Variants in MACROD2 observed in about 807,000 individuals in gnomAD.
MACROD2 encodes ADP-ribose glycohydrolase MACROD2.
MACROD2 carries 36 observed loss-of-function variants against 70.4 expected under a neutral mutation model. That is an observed-to-expected ratio of 0.51 (90% CI 0.39 to 0.68). The LOEUF (loss-of-function observed/expected upper bound fraction) is 0.68, where lower values mean the gene tolerates loss of function less well. MACROD2 is among the 30% of genes least tolerant of loss of function. The pLI is 0.00. For missense variants in MACROD2, 496 were observed against 538.4 expected, an observed-to-expected ratio of 0.92 and a Z score of 0.78; for synonymous variants, 172 against 178.8, an observed-to-expected ratio of 0.96 and a Z score of 0.30.
intron 10 of MACROD2, among the ~76,000 whole-genome samples, chr20:15,917,360 C>T (rs779154300): frequency 6.6e-6 from 1 of 152,154 alleles, no homozygotes; most frequent in Admixed American, 6.5e-5. Flanking sequence ...GAATTATGAA[C>T]CTGCAGGGTT....
intron 5 of MACROD2, among the ~76,000 whole-genome samples, chr20:14,896,238 T>C (rs2073827497): frequency 6.6e-6 from 1 of 152,036 alleles, no homozygotes; most frequent in Non-Finnish European, 1.5e-5. Flanking sequence ...GAGGTTGCAG[T>C]GAGCAGAGAT....
intron 6 of MACROD2, among the ~76,000 whole-genome samples, chr20:15,410,841 A>G (rs2046067759): frequency 6.6e-6 from 1 of 152,180 alleles, no homozygotes; most frequent in South Asian, 2.1e-4. Flanking sequence ...GAAGTCACCC[A>G]TTCAACATAT....
At chr20:14,989,427 G>T (rs1034776383) in intron 5 of MACROD2, among the ~76,000 whole-genome samples, 2 of 152,140 alleles carry the variant, frequency 1.3e-5, no homozygotes, top group African/African-American at 4.8e-5. Flanking sequence ...AATAGTGGAA[G>T]TACACAGATT....
intron 6 of MACROD2, among the ~76,000 whole-genome samples, chr20:15,394,963 C>A (rs890420895): frequency 1.3e-5 from 2 of 152,292 alleles, no homozygotes; most frequent in South Asian, 4.1e-4. Context: ...TTATTAATGT[C>A]CATCAAAGGT....
chr20:14,717,806 G>A (rs1198101797), intron 5 of MACROD2, among the ~76,000 whole-genome samples: 1 of 152,116 alleles, frequency 6.6e-6, no homozygotes, highest in Non-Finnish European at 1.5e-5. Context: ...TAGGGAGGAT[G>A]TTATCAGGCC....
chr20:14,211,770 A>G (rs1478771315), intron 3 of MACROD2, among the ~76,000 whole-genome samples: 1 of 152,156 alleles, frequency 6.6e-6, no homozygotes, highest in African/African-American at 2.4e-5. Flanking sequence ...AGCATGTGAA[A>G]GGTACCACCC....
intron 5 of MACROD2, among the ~76,000 whole-genome samples, chr20:15,065,383 C>T (rs968047749): frequency 2.6e-5 from 4 of 152,216 alleles, no homozygotes; most frequent in East Asian, 1.9e-4. Context: ...AGGCAGGGCG[C>T]GGTGGCTCAC....
chr20:14,882,654 G>T (rs879305772), intron 5 of MACROD2, among the ~76,000 whole-genome samples: 1 of 152,152 alleles, frequency 6.6e-6, no homozygotes, highest in African/African-American at 2.4e-5. Flanking sequence ...GGTTAAAACA[G>T]ATGAATAAGA....
At chr20:15,232,887 T>C (rs1456346735) in intron 6 of MACROD2, among the ~76,000 whole-genome samples, 2 of 152,126 alleles carry the variant, frequency 1.3e-5, no homozygotes, top group African/African-American at 4.8e-5. Flanking sequence ...GAATAGATTC[T>C]TCAAATATTT....
chr20:15,845,445 G>A (rs2064220232), intron 8 of MACROD2, among the ~76,000 whole-genome samples: 1 of 152,108 alleles, frequency 6.6e-6, no homozygotes, highest in Non-Finnish European at 1.5e-5. Context: ...GGATGAAGAT[G>A]TAGAAGACGT....
intron 6 of MACROD2, among the ~76,000 whole-genome samples, chr20:15,389,876 G>A (rs1337276438): frequency 6.6e-6 from 1 of 152,126 alleles, no homozygotes; most frequent in Non-Finnish European, 1.5e-5. Flanking sequence ...TGCCTTAAAT[G>A]TTCCTGGTAC....
intron 4 of MACROD2, among the ~76,000 whole-genome samples, chr20:14,589,672 TG>T (rs1392388803): frequency 6.6e-6 from 1 of 152,210 alleles, no homozygotes; most frequent in Non-Finnish European, 1.5e-5. Context: ...ATTATATTGT[TG>T]GTTTTCTCTA....
intron 5 of MACROD2, chr20:14,895,722 A>C (rs1203365935): frequency 6.6e-6 from 1 of 152,110 alleles, no homozygotes; most frequent in South Asian, 2.1e-4. Flanking sequence ...CTTTTTGAAA[A>C]GAGAAAAGAT....
intron 6 of MACROD2, among the ~76,000 whole-genome samples, chr20:15,254,649 A>G (rs562245503): frequency 6.6e-6 from 1 of 152,318 alleles, no homozygotes; most frequent in East Asian, 1.9e-4. Context: ...ACCTGAGGGC[A>G]TATCCTTCAT....
intron 5 of MACROD2, among the ~76,000 whole-genome samples, chr20:14,878,433 T>C (rs778477633): frequency 1.5e-4 from 23 of 152,152 alleles, no homozygotes; most frequent in Non-Finnish European, 2.9e-4. Context: ...ATGTCCTCTC[T>C]TTTATGTATT....
chr20:15,953,093 G>A (rs895542433), intron 12 of MACROD2, among the ~76,000 whole-genome samples: 2 of 152,082 alleles, frequency 1.3e-5, no homozygotes, highest in Admixed American at 6.6e-5. Flanking sequence ...ATGATGTTAA[G>A]GGAAATGAGT....
At chr20:15,380,914 A>G (rs1014922817) in intron 6 of MACROD2, among the ~76,000 whole-genome samples, 42 of 151,924 alleles carry the variant, frequency 2.8e-4, no homozygotes, top group African/African-American at 9.9e-4. Flanking sequence ...ATCACTGAGA[A>G]CAAGTAAATT....
At chr20:14,833,615 CT>C (rs1220676782) in intron 5 of MACROD2, among the ~76,000 whole-genome samples, 1 of 151,994 alleles carries the variant, frequency 6.6e-6, no homozygotes, top group Non-Finnish European at 1.5e-5. Context: ...TTCTAAATAG[CT>C]TTTTTTCCTC....
In MACROD2 at chr20:14,438,876, T is replaced by C. The variant is rs190070290; in HGVS notation, c.272-54603T>C. Among the ~76,000 whole-genome samples, 404 of 152,342 alleles carry C rather than the reference T, an allele frequency of 2.7e-3. 2 individuals are homozygous for C. The highest frequency in any genetic ancestry group is 4.6e-3 in the Non-Finnish European group (316 of 68,030). ...TTTGTAGGTTGTCTTTTTATTTTAT[T>C]GTTTCCTTTGCTGTGCAGAAGCTTT... On this transcript the variant is annotated intron_variant, in intron 3 of 17. Coordinates refer to ENST00000684519, the MANE Select transcript of MACROD2 (RefSeq NM_001351661.2).
Sources: allele counts gnomAD v4.1 joint callset (sites outside exome capture counted in the v4.1 genomes callset), GRCh38; gene constraint gnomAD v4.1.1; transcripts MANE v1.5; gene names NCBI Gene and HGNC (gene_info 2026-07-23, HGNC 2026-07-21).